BACH2: variants seen among roughly 807,000 people sequenced by gnomAD.
The protein encoded by BACH2 is BACH transcriptional regulator 2, also known as transcription regulator protein BACH2.
In BACH2, 5 loss-of-function variants were observed where a neutral mutation model predicts 61.8. That is an observed-to-expected ratio of 0.08 (90% CI 0.04 to 0.17). The LOEUF (loss-of-function observed/expected upper bound fraction) is 0.17, where lower values mean the gene tolerates loss of function less well. Ranked by LOEUF, BACH2 falls within the 10% of genes least tolerant of loss-of-function variation. The pLI is 1.00. For missense variants in BACH2, 824 were observed against 1,091.1 expected (o/e 0.76, Z 3.45); for synonymous variants, 446 against 440.1 (o/e 1.01, Z -0.17).
At chr6:90,159,027 TATGC>T (rs1458637318) in intron 4 of BACH2, among the ~76,000 whole-genome samples, 2 of 152,164 alleles carry the variant, frequency 1.3e-5, no homozygotes, top group Non-Finnish European at 2.9e-5. Flanking sequence ...GGTGACTAAT[TATGC>T]ATTTCTTTTA....
chr6:90,255,621 CAAT>C (rs1487336061), intron 2 of BACH2, among the ~76,000 whole-genome samples: 3 of 152,128 alleles, frequency 2.0e-5, no homozygotes, highest in Non-Finnish European at 4.4e-5. Context: ...AAAGGAAACA[CAAT>C]GAGACAAATT....
chr6:90,104,089 T>TC (rs768790843), intron 4 of BACH2, among the ~76,000 whole-genome samples: 66 of 152,122 alleles, frequency 4.3e-4, no homozygotes, highest in Non-Finnish European at 8.7e-4. Context: ...GTATCAAGGG[T>TC]CCCCTGATAT....
chr6:90,276,951 T>C (rs1245093993), intron 1 of BACH2, among the ~76,000 whole-genome samples: 1 of 152,178 alleles, frequency 6.6e-6, no homozygotes, highest in African/African-American at 2.4e-5. Context: ...TCATCCTCCC[T>C]TGAAAAAATG....
chr6:90,152,786 G>A (rs1784875834), intron 4 of BACH2, among the ~76,000 whole-genome samples: 1 of 152,166 alleles, frequency 6.6e-6, no homozygotes, highest in African/African-American at 2.4e-5. Context: ...CTACAAGCTA[G>A]TCCCTCTTCT....
intron 3 of BACH2, among the ~76,000 whole-genome samples, chr6:90,222,514 T>C (rs765945169): frequency 1.2e-4 from 19 of 152,328 alleles, no homozygotes; most frequent in Middle Eastern, 6.8e-3. Context: ...CCATTACATT[T>C]TTTTCATGCT....
intron 4 of BACH2, among the ~76,000 whole-genome samples, chr6:90,128,600 T>C (rs892415323): frequency 6.6e-6 from 1 of 152,026 alleles, no homozygotes; most frequent in Non-Finnish European, 1.5e-5. Context: ...ACAAAAAATT[T>C]TACACTGTTG....
intron 5 of BACH2, among the ~76,000 whole-genome samples, chr6:90,029,750 C>T (rs1017763420): frequency 6.6e-6 from 1 of 152,196 alleles, no homozygotes; most frequent in African/African-American, 2.4e-5. Flanking sequence ...CAGCCTGTTT[C>T]TTCACACATA....
At chr6:90,251,756 T>C (rs1460834666) in intron 3 of BACH2, among the ~76,000 whole-genome samples, 1 of 152,156 alleles carries the variant, frequency 6.6e-6, no homozygotes, top group Non-Finnish European at 1.5e-5. Context: ...AAGCTTCTAA[T>C]AGGAGCATTT....
At chr6:90,272,046 A>G (rs1771541487) in intron 1 of BACH2, 105 bp from the exon 2 acceptor site, 1 of 152,264 alleles carries the variant, frequency 6.6e-6, no homozygotes, top group African/African-American at 2.4e-5. Flanking sequence ...ACATTGAACT[A>G]CCTGCAAATT....
At chr6:90,277,204 A>C (rs1001844935) in intron 1 of BACH2, among the ~76,000 whole-genome samples, 1 of 152,322 alleles carries the variant, frequency 6.6e-6, no homozygotes, top group Admixed American at 6.5e-5. Flanking sequence ...TATGTTCTAG[A>C]ATCTTCACAT....
In BACH2 at chr6:90,040,267, C is replaced by T. The variant is rs1779470071; in HGVS notation, c.-12-31411G>A. On this transcript the variant is annotated intron_variant, in intron 5 of 8. Coordinates refer to ENST00000257749, the MANE Select transcript of BACH2 (RefSeq NM_021813.4). ...GATTTATCTTGGTGTAAATATGAACCACCAAACTTTCTTTTTCCCAGAAGG... is the reference window on the plus strand; with the variant it reads ...GATTTATCTTGGTGTAAATATGAACTACCAAACTTTCTTTTTCCCAGAAGG... Among the ~76,000 whole-genome samples, 2 of 151,990 alleles carry T rather than the reference C, an allele frequency of 1.3e-5. 1 individual carries two copies. The highest frequency in any genetic ancestry group is 1.3e-4 in the Admixed American group (2 of 15,272).
At chr6:90,101,271 T>C (rs1012324994) in intron 4 of BACH2, among the ~76,000 whole-genome samples, 1 of 152,232 alleles carries the variant, frequency 6.6e-6, no homozygotes, top group Non-Finnish European at 1.5e-5. Context: ...ATTTTTCTTT[T>C]GTCTTTTGTA....
intron 4 of BACH2, among the ~76,000 whole-genome samples, chr6:90,108,181 C>T (rs1052552549): frequency 6.6e-6 from 1 of 152,190 alleles, no homozygotes; most frequent in Non-Finnish European, 1.5e-5. Context: ...ACCACCCCCT[C>T]ACCTGGGAGA....
chr6:89,957,947 A>G (rs1327461038), intron 6 of BACH2, among the ~76,000 whole-genome samples: 1 of 152,204 alleles, frequency 6.6e-6, no homozygotes, highest in Non-Finnish European at 1.5e-5. Flanking sequence ...ATCATTTCAT[A>G]TGGTGGTTCT....
intron 4 of BACH2, among the ~76,000 whole-genome samples, chr6:90,157,289 A>G (rs947841194): frequency 2.6e-5 from 4 of 152,236 alleles, no homozygotes; most frequent in African/African-American, 9.6e-5. Flanking sequence ...CACTTGGTAG[A>G]CCAACACTTC....
At chr6:90,184,406 T>C (rs1768276721) in intron 4 of BACH2, among the ~76,000 whole-genome samples, 1 of 151,732 alleles carries the variant, frequency 6.6e-6, no homozygotes, top group Admixed American at 6.6e-5. Context: ...CTGGCAGAGG[T>C]AAAAGAAAGA....
chr6:90,211,657 C>A (rs1769358594), intron 3 of BACH2, among the ~76,000 whole-genome samples: 1 of 149,236 alleles, frequency 6.7e-6, no homozygotes, highest in Admixed American at 6.7e-5. Flanking sequence ...GAAAATGCAA[C>A]TAATACTGCC....
intron 3 of BACH2, among the ~76,000 whole-genome samples, chr6:90,235,496 G>A (rs1770230504): frequency 6.6e-6 from 1 of 152,162 alleles, no homozygotes; most frequent in South Asian, 2.1e-4. Context: ...TAAGGATGTT[G>A]TAAAAGTCAG....
At chr6:90,274,066 T>C (rs1562537542) in intron 1 of BACH2, among the ~76,000 whole-genome samples, 1 of 152,136 alleles carries the variant, frequency 6.6e-6, no homozygotes, top group Admixed American at 6.5e-5. Context: ...AACAGACAGA[T>C]AGGGGAATAC....
Sources: gnomAD v4.1 joint callset for allele counts (sites outside exome capture counted in the v4.1 genomes callset) on GRCh38, gnomAD v4.1.1 for gene constraint, MANE v1.5 for transcripts, NCBI Gene and HGNC (gene_info 2026-07-23, HGNC 2026-07-21) for gene names.